Variants in HPD observed in about 807,000 individuals in gnomAD.
The protein encoded by HPD is 4-hydroxyphenylpyruvate dioxygenase.
A neutral mutation model predicts 56.9 loss-of-function variants in HPD; 35 were observed. That is an observed-to-expected ratio of 0.62 (90% CI 0.47 to 0.82). The LOEUF (loss-of-function observed/expected upper bound fraction) is 0.82. HPD is among the 40% of genes least tolerant of loss of function. The pLI is 0.00. For missense variants in HPD, 442 were observed against 506.8 expected (o/e 0.87, Z 1.23); for synonymous variants, 186 against 200.2 (o/e 0.93, Z 0.60).
Position 121,851,687 on chromosome 12 carries a change from AT to A in HPD, c.415-1898del, listed in dbSNP as rs1267886581. Among the ~76,000 whole-genome samples the A allele has an allele frequency of 2.5e-4, 23 of 92,458 alleles. 1 individual carries two copies. Among genetic ancestry groups the A allele is most frequent in the African/African-American group, 9.8e-4 (23 of 23,442 alleles). 60.7% of individuals were successfully genotyped at this position (92,458 alleles called of 152,430 possible). Reference sequence around the variant, plus strand: ...CTTTTTAAAACATTTTTATTCATTTATTTATTTATTTATTTTTTTTTTTTTT... The same window carrying A: ...CTTTTTAAAACATTTTTATTCATTTATTATTTATTTATTTTTTTTTTTTTT... On this transcript the variant is annotated intron_variant, in intron 7 of 13. Coordinates refer to ENST00000289004, the MANE Select transcript of HPD (RefSeq NM_002150.3).
the HPD span, among the ~76,000 whole-genome samples, chr12:121,883,442 A>G: frequency 6.6e-6 from 1 of 151,926 alleles, no homozygotes; most frequent in Non-Finnish European, 1.5e-5. Context: ...GTGGCGGGGT[A>G]GGAGTAGAGG....
chr12:121,865,510 C>A (rs1878303065), upstream of HPD, among the ~76,000 whole-genome samples: 1 of 149,548 alleles, frequency 6.7e-6, no homozygotes, highest in Non-Finnish European at 1.5e-5. Context: ...CTCACGTGAT[C>A]TGTCCGCCTT....
chr12:121,845,786 C>T (rs1877564027), intron 11 of HPD, among the ~76,000 whole-genome samples: 1 of 152,074 alleles, frequency 6.6e-6, no homozygotes, highest in African/African-American at 2.4e-5. Context: ...GTGCTCTCTA[C>T]CATCTAGCAT....
At chr12:121,856,889 G>C (rs1369072664) in intron 4 of HPD, 2 of 558,564 alleles carry the variant, frequency 3.6e-6, no homozygotes, top group Non-Finnish European at 6.4e-6. Context: ...ATCGGTCAGG[G>C]CACTGCTTAA....
At chr12:121,885,208 T>A in the HPD span, among the ~76,000 whole-genome samples, 1 of 97,492 alleles carries the variant, frequency 1.0e-5, no homozygotes, top group Non-Finnish European at 1.9e-5. Context: ...TATATCTGTA[T>A]TTTTTTTTTT....
Position 121,843,841 on chromosome 12 carries a change from G to C in HPD, c.832-9C>G, listed in dbSNP as rs760934328. Reference sequence around the variant, plus strand: ...TCTCTCAAGTGGCGAATCTGTTTCAGAGCAAAGCTGAGGTCAGCCTTCGGC... The same window carrying C: ...TCTCTCAAGTGGCGAATCTGTTTCACAGCAAAGCTGAGGTCAGCCTTCGGC... On this transcript the variant is annotated splice_polypyrimidine_tract_variant and intron_variant, in intron 11 of 13. Coordinates refer to ENST00000289004, the MANE Select transcript of HPD (RefSeq NM_002150.3). 1 of 1,614,054 alleles carries C rather than the reference G, an allele frequency of 6.2e-7. No homozygotes were observed. Among genetic ancestry groups the C allele is most frequent in the Non-Finnish European group, 8.5e-7 (1 of 1,179,980 alleles).
At chr12:121,851,116 C>G (rs985271392) in intron 7 of HPD, among the ~76,000 whole-genome samples, 2 of 152,066 alleles carry the variant, frequency 1.3e-5, no homozygotes, top group African/African-American at 4.8e-5. Flanking sequence ...GCCCCCTTGG[C>G]CTTCCAAAGT....
the HPD span, among the ~76,000 whole-genome samples, chr12:121,871,368 TAA>T: frequency 8.8e-5 from 13 of 148,390 alleles, no homozygotes; most frequent in South Asian, 2.1e-4. Context: ...CTGTCTCAAT[TAA>T]AAAAAAAAAA....
chr12:121,853,345 G>A (rs1354352418), intron 7 of HPD, among the ~76,000 whole-genome samples: 1 of 152,022 alleles, frequency 6.6e-6, no homozygotes, highest in Admixed American at 6.6e-5. Context: ...AAAAGTTGAA[G>A]AGGTGGGGCG....
At chr12:121,883,131 A>C in the HPD span, among the ~76,000 whole-genome samples, 1 of 150,712 alleles carries the variant, frequency 6.6e-6, no homozygotes, top group Admixed American at 6.7e-5. Flanking sequence ...GAGACTGAGC[A>C]AAAAACGTGC....
the HPD span, among the ~76,000 whole-genome samples, chr12:121,873,725 CAGG>C: frequency 4.5e-4 from 69 of 152,134 alleles, no homozygotes; most frequent in Non-Finnish European, 8.1e-4. Flanking sequence ...GAGGCTGAGG[CAGG>C]AGAATGGCGT....
upstream of HPD, among the ~76,000 whole-genome samples, chr12:121,864,494 A>C (rs976426442): frequency 1.3e-5 from 2 of 150,256 alleles, no homozygotes; most frequent in Admixed American, 1.3e-4. Flanking sequence ...TTAAGACTGA[A>C]GTGAGCTATG....
chr12:121,869,566 C>CTTTTTTTTTT, the HPD span, among the ~76,000 whole-genome samples: 1 of 145,796 alleles, frequency 6.9e-6, no homozygotes, highest in Non-Finnish European at 1.5e-5. Flanking sequence ...TAGGTTTTCA[C>CTTTTTTTTTT]TTTTTTTTTT....
chr12:121,852,934 C>T (rs1877859851), intron 7 of HPD, among the ~76,000 whole-genome samples: 1 of 152,098 alleles, frequency 6.6e-6, no homozygotes, highest in Admixed American at 6.6e-5. Flanking sequence ...GCCCAGTTCT[C>T]ATTGGATCCT....
At chr12:121,857,501 GC>G in intron 3 of HPD, 69 bp from the exon 4 acceptor site, 9 of 1,215,326 alleles carry the variant, frequency 7.4e-6, no homozygotes, top group Non-Finnish European at 1.1e-5. Flanking sequence ...CCGCAAGAGA[GC>G]CCCTGGCCCC....
At position 121,846,883 on chromosome 12, in the gene HPD, C is replaced by T. The variant is rs1409761715; in HGVS notation, c.810G>A (p.Lys270=). 1 of 1,614,000 alleles carries T rather than the reference C, an allele frequency of 6.2e-7. No homozygotes were observed. The highest frequency in any genetic ancestry group is 8.5e-7 in the Non-Finnish European group (1 of 1,180,006). Residue 270 remains lysine (K), a synonymous_variant, in exon 11 of 14, where the codon AAG becomes AAA. Coordinates refer to ENST00000289004, the MANE Select transcript of HPD (RefSeq NM_002150.3). ...GGAGVQHIAL[K]TEDIITAIRH... is the part of the protein sequence containing the mutation. ...TAACCGCTGTGATGATGTCTTCGGT[C>T]TTGAGAGCGATGTGCTGGACCCCAG...
Position 121,839,688 on chromosome 12 carries a change from C to CGTGGCTGT in HPD, c.*32_*39dup, listed in dbSNP as rs776482620. ...TTGGGCGAGTTCCAGAATCAGGGGGCGTGGCTGTGTGGCTGTGGCCTCCGT... is the reference window on the plus strand; with the variant it reads ...TTGGGCGAGTTCCAGAATCAGGGGGCGTGGCTGTGTGGCTGTGTGGCTGTGGCCTCCGT... On this transcript the variant is annotated 3_prime_UTR_variant, in exon 14 of 14. Transcript: ENST00000289004. 1.4e-6 allele frequency: 2 copies of CGTGGCTGT among 1,379,456 alleles called. No homozygotes were observed. The highest frequency in any genetic ancestry group is 2.3e-5 in the East Asian group (1 of 43,804). The allele number at this position is 1,379,456 out of a possible 1,614,324, so 85.5% of individuals were successfully genotyped here.
the HPD span, among the ~76,000 whole-genome samples, chr12:121,878,196 T>C: frequency 6.6e-6 from 1 of 152,226 alleles, no homozygotes; most frequent in African/African-American, 2.4e-5. Context: ...GAATTGGTTT[T>C]AAATTTTTCT....
intron 7 of HPD, among the ~76,000 whole-genome samples, chr12:121,854,356 G>C: frequency 6.6e-6 from 1 of 152,206 alleles, no homozygotes; most frequent in Middle Eastern, 3.2e-3. Context: ...TCCAGTCTTT[G>C]CTCATTTAAA....
Sources: gnomAD v4.1 joint callset for allele counts (sites outside exome capture counted in the v4.1 genomes callset) on GRCh38, gnomAD v4.1.1 for gene constraint, MANE v1.5 for transcripts, NCBI Gene and HGNC (gene_info 2026-07-23, HGNC 2026-07-21) for gene names.